The following SH2D2A variants were observed in gnomAD, a reference collection of about 807,000 sequenced individuals.
The protein encoded by SH2D2A is SH2 domain containing 2A, also known as SH2 domain-containing protein 2A.
In SH2D2A, 33 loss-of-function variants were observed where a neutral mutation model predicts 43.6. The ratio of observed to expected loss-of-function variants is 0.76; its 90% CI spans 0.57 to 1.01. The LOEUF is 1.01. SH2D2A is among the 50% of genes least tolerant of loss of function. The probability of loss-of-function intolerance (pLI) is 0.00; values close to 1 mark genes in which losing one functional copy is unlikely to be tolerated. For synonymous variants in SH2D2A, 212 were observed against 206.1 expected (o/e 1.03, Z -0.25); for missense variants, 491 against 503.1 (o/e 0.98, Z 0.23).
chr1:156,809,732 G>C lies in SH2D2A; in HGVS notation c.643C>G (p.Gln215Glu). The C allele has an allele frequency of 6.2e-7, 1 of 1,614,014 alleles. No homozygotes were observed. ...FGSKSQDPNP[Q>E]YSPIIKQGQA... ...CCCTGTTTGATGATTGGGCTGTACT[G>C]GGGGTTTGGGTCCTGGCTTTTGCTT... The change falls in exon 6 of 9, where the codon CAG becomes GAG. Residue 215 changes from glutamine to glutamate, a missense_variant. Coordinates refer to ENST00000368199, the MANE Select transcript of SH2D2A (RefSeq NM_003975.4). The surrounding 1 kb of genome is among the most constrained non-coding windows in gnomAD (Gnocchi z 4.8).
rs1026957622 is a variant in SH2D2A at position 156,813,050 on chromosome 1, C to T, written c.567+798G>A. 7.0e-4 allele frequency among the ~76,000 whole-genome samples: 106 copies of T among 152,180 alleles called. 5 individuals carry two copies. Among genetic ancestry groups the T allele is most frequent in the Non-Finnish European group, 4.4e-5 (3 of 68,030 alleles). ...GATTTCTATTACTTGTCTGTTTTTG[C>T]TGCTGGAAAGTAGGCTTTGTGAGTT... On this transcript the variant is annotated intron_variant, in intron 5 of 8. Coordinates refer to ENST00000368199, the MANE Select transcript of SH2D2A (RefSeq NM_003975.4).
intron 3 of SH2D2A, 179 bp downstream of exon 3, chr1:156,814,858 G>T: frequency 1.9e-6 from 1 of 514,950 alleles, no homozygotes. Context: ...GATCTCCCCT[G>T]GAGAGATGCC....
Position 156,809,810 on chromosome 1 carries a change from G to T in SH2D2A, c.568-3C>A. The T allele has an allele frequency of 6.2e-7, 1 of 1,613,750 alleles. No homozygotes were observed. Among genetic ancestry groups the T allele is most frequent in the Non-Finnish European group, 8.5e-7 (1 of 1,179,864 alleles). ...GAAAGTCCTGCAGGCTCAGGAGTCTGCTGGGAAAGAAGGAGGTCTGAGGCA... is the reference window on the plus strand; with the variant it reads ...GAAAGTCCTGCAGGCTCAGGAGTCTTCTGGGAAAGAAGGAGGTCTGAGGCA... On this transcript the variant is annotated splice_polypyrimidine_tract_variant and splice_region_variant and intron_variant, in intron 5 of 8. Transcript: ENST00000368199. The surrounding 1 kb of genome is among the most constrained non-coding windows in gnomAD (Gnocchi z 4.8).
At position 156,815,204 on chromosome 1, in the gene SH2D2A, C is replaced by A. The variant is rs367850136; in HGVS notation, c.141G>T (p.Pro47=). The A allele has an allele frequency of 6.4e-7, 1 of 1,555,930 alleles. No homozygotes were observed. The highest frequency in any genetic ancestry group is 2.3e-5 in the East Asian group (1 of 43,004). The change falls in exon 3 of 9, where the codon CCG becomes CCT. Residue 47 remains proline, a synonymous_variant. Coordinates refer to ENST00000368199, the MANE Select transcript of SH2D2A (RefSeq NM_003975.4). ...CATTCCCTGTGTTGGAGGCAGCCTC[C>A]GGGGCCTGGGGAGATGCCTGGATCA... is the stretch of plus-strand genomic sequence containing the variant. ...LGYTAASPQA[P]EAASNTGNAE... is the part of the protein sequence containing the mutation.
At chr1:156,815,511 A>G in intron 2 of SH2D2A, 1 of 594,742 alleles carries the variant, frequency 1.7e-6, no homozygotes, top group Non-Finnish European at 3.0e-6. Context: ...AAGGCAGCAC[A>G]GCCTTCCAGA....
chr1:156,811,874 T>C (rs1242021661), intron 5 of SH2D2A, among the ~76,000 whole-genome samples: 1 of 152,136 alleles, frequency 6.6e-6, no homozygotes, highest in Non-Finnish European at 1.5e-5. Context: ...GAGTGAGATT[T>C]CTCCCCTCCT....
intron 4 of SH2D2A, 78 bp from the exon 5 acceptor site, chr1:156,814,094 T>G: frequency 6.6e-7 from 1 of 1,508,060 alleles, no homozygotes; most frequent in Non-Finnish European, 8.9e-7. Context: ...ATCCCCACCT[T>G]CAGCAGCCCG....
In SH2D2A at chr1:156,807,128, T is replaced by A; in HGVS notation, c.*3+47A>T. On this transcript the variant is annotated intron_variant, in intron 8 of 8. Coordinates refer to ENST00000368199, the MANE Select transcript of SH2D2A (RefSeq NM_003975.4). This position sits in a 1 kb window ranked among gnomAD's most constrained non-coding sequence, Gnocchi z 5.1. The stretch of plus-strand genomic sequence containing the variant: ...GAAGTGTGCCAGGTGTGTGTGAAGG[T>A]CTCTGGACCTGATGCTCCAAGTTAT... The A allele has an allele frequency of 6.5e-7, 1 of 1,542,404 alleles. No homozygotes were observed.
At chr1:156,815,598 G>A in intron 2 of SH2D2A, 2 of 638,480 alleles carry the variant, frequency 3.1e-6, no homozygotes, top group Non-Finnish European at 5.7e-6. Context: ...GAATGAGGGA[G>A]GGCTTACTTC....
At position 156,815,026 on chromosome 1, in the gene SH2D2A, C is replaced by G. The variant is rs1254009345; in HGVS notation, c.308+11G>C. The G allele has an allele frequency of 2.0e-6, 3 of 1,504,506 alleles. No homozygotes were observed. Among genetic ancestry groups the G allele is most frequent in the Non-Finnish European group, 1.8e-6 (2 of 1,121,118 alleles). 93.2% of individuals were successfully genotyped at this position (1,504,506 alleles called of 1,614,324 possible). On this transcript the variant is annotated intron_variant, in intron 3 of 8. Coordinates refer to ENST00000368199, the MANE Select transcript of SH2D2A (RefSeq NM_003975.4). ...CCCCTGTCTGGGCCAATTTCCTCCT[C>G]CATGACTCACCTCCGGGTGATGAAG...
intron 5 of SH2D2A, among the ~76,000 whole-genome samples, chr1:156,810,764 C>T (rs867654411): frequency 1.7e-4 from 26 of 152,120 alleles, no homozygotes; most frequent in African/African-American, 6.0e-4. Flanking sequence ...TCAGGTGATC[C>T]GCCACTTTGG....
chr1:156,807,249 G>A lies in SH2D2A; in HGVS notation c.1099C>T (p.Pro367Ser), dbSNP rs1295946174. 1.2e-6 allele frequency: 2 copies of A among 1,610,570 alleles called. No homozygotes were observed. The highest frequency in any genetic ancestry group is 2.2e-5 in the East Asian group (1 of 44,850). ...AGCACCTGTCTAGAAAGATTGTGGG[G>A]GAGGGTGTGTCTCCAGGCGGGTGGG... The part of the protein sequence containing the change: ...QPPPAWRHTL[P>S]HNLSRQVLQD... Residue 367 changes from proline (P) to serine (S), a missense_variant, in exon 8 of 9, where the codon CCC becomes TCC. Transcript: ENST00000368199. The surrounding 1 kb of genome is among the most constrained non-coding windows in gnomAD (Gnocchi z 5.1).
At position 156,815,051 on chromosome 1, in the gene SH2D2A, G is replaced by T; in HGVS notation, c.294C>A (p.Gly98=). 6.4e-7 allele frequency: 1 copy of T among 1,565,996 alleles called. No individual in the cohort carries two copies. Among genetic ancestry groups the T allele is most frequent in the Non-Finnish European group, 8.7e-7 (1 of 1,154,262 alleles). The part of the protein sequence containing the change: ...QHGAAPAWFH[G]FITRREAERL... ...CCATGACTCACCTCCGGGTGATGAA[G>T]CCATGGAACCAGGCAGGGGCTGCCC... The change falls in exon 3 of 9, where the codon GGC becomes GGA. Residue 98 remains glycine (G), a synonymous_variant. Transcript: ENST00000368199.
chr1:156,815,580 A>G, intron 2 of SH2D2A: 1 of 626,258 alleles, frequency 1.6e-6, no homozygotes, highest in Admixed American at 2.4e-5. Context: ...AAGTCACCCT[A>G]GAGGCCAGAA....
Position 156,814,187 on chromosome 1 carries a change from CGG to C in SH2D2A, c.398+16_398+17del. 1 of 1,612,522 alleles carries C rather than the reference CGG, an allele frequency of 6.2e-7. No individual in the cohort carries two copies. ...GAGCCCCGCCTTGTGTCGCCCGGCG[CGG>C]GGCCTCGCCCCTCACCTGTAAGTCA... is the stretch of plus-strand genomic sequence containing the variant. On this transcript the variant is annotated intron_variant, in intron 4 of 8. Coordinates refer to ENST00000368199, the MANE Select transcript of SH2D2A (RefSeq NM_003975.4).
In SH2D2A at chr1:156,815,101, G is replaced by T. The variant is rs1488224941; in HGVS notation, c.244C>A (p.Gln82Lys). 6.2e-7 allele frequency: 1 copy of T among 1,610,300 alleles called. No individual in the cohort carries two copies. The highest frequency in any genetic ancestry group is 1.3e-5 in the African/African-American group (1 of 74,702). ...AETRAWFQKT[Q>K]AHWLLQHGAA... The stretch of plus-strand genomic sequence containing the variant: ...CCGTGCTGCAGGAGCCAGTGGGCCT[G>T]GGTCTTCTGGAACCAAGCCCGGGTC... The change falls in exon 3 of 9, where the codon CAG becomes AAG. Residue 82 changes from glutamine to lysine, a missense_variant. Coordinates refer to ENST00000368199, the MANE Select transcript of SH2D2A (RefSeq NM_003975.4).
intron 8 of SH2D2A, among the ~76,000 whole-genome samples, chr1:156,806,777 C>T (rs1652996148): frequency 6.6e-6 from 1 of 152,212 alleles, no homozygotes; most frequent in African/African-American, 2.4e-5. Flanking sequence ...TAGTCCTTGA[C>T]CTTGGCCAAG....
rs773108806 is a variant in SH2D2A, at chr1:156,816,647, C to T, written c.34+28G>A. 10 of 1,596,448 alleles carry T rather than the reference C, an allele frequency of 6.3e-6. No individual in the cohort carries two copies. In the Admixed American group the frequency reaches 1.7e-4, roughly 27 times the overall value. On this transcript the variant is annotated intron_variant, in intron 1 of 8. Coordinates refer to ENST00000368199, the MANE Select transcript of SH2D2A (RefSeq NM_003975.4). Reference sequence around the variant, plus strand: ...GGATGGGGGTCTTTGTGCCCCCTCCCACCCATATCCTTCAACTTCACACTT... The same window carrying T: ...GGATGGGGGTCTTTGTGCCCCCTCCTACCCATATCCTTCAACTTCACACTT...
At chr1:156,816,639 C>G in intron 1 of SH2D2A, 36 bp downstream of exon 1, 1 of 1,590,056 alleles carries the variant, frequency 6.3e-7, no homozygotes, top group Non-Finnish European at 8.6e-7. Context: ...GGTCTTTGTG[C>G]CCCCTCCCAC....
Sources: allele counts gnomAD v4.1 joint callset (sites outside exome capture counted in the v4.1 genomes callset), GRCh38; gene constraint gnomAD v4.1.1; non-coding constraint Gnocchi (gnomAD v3.1); transcripts MANE v1.5; gene names NCBI Gene and HGNC (gene_info 2026-07-23, HGNC 2026-07-21).